The following GTF2E2 variants were observed in gnomAD, a reference collection of about 807,000 sequenced individuals.
GTF2E2 encodes general transcription factor IIE subunit 2.
In GTF2E2, 21 loss-of-function variants were observed where a neutral mutation model predicts 40.5. The ratio of observed to expected loss-of-function variants is 0.52; its 90% CI spans 0.37 to 0.75. The LOEUF is 0.75. Among genes scored for constraint, GTF2E2 ranks in the 30% least tolerant of loss-of-function variants. The pLI is 0.00. For synonymous variants in GTF2E2, 117 were observed against 121.6 expected (o/e 0.96, Z 0.25); for missense variants, 298 against 338.4 (o/e 0.88, Z 0.94).
At chr8:30,657,209 G>C (rs956645342) in intron 1 of GTF2E2, among the ~76,000 whole-genome samples, 2 of 152,042 alleles carry the variant, frequency 1.3e-5, no homozygotes, top group African/African-American at 4.8e-5. Context: ...TTAGATCTCT[G>C]GACCCCCCTA....
intron 4 of GTF2E2, among the ~76,000 whole-genome samples, chr8:30,614,151 A>T (rs1490325581): frequency 6.6e-6 from 1 of 152,246 alleles, no homozygotes; most frequent in Non-Finnish European, 1.5e-5. Context: ...CTTACCTTTA[A>T]CATTTTGAAA....
chr8:30,644,795 G>A (rs939614487), intron 2 of GTF2E2, among the ~76,000 whole-genome samples: 10 of 150,838 alleles, frequency 6.6e-5, no homozygotes, highest in Admixed American at 6.0e-4. Context: ...CCATTGTCCA[G>A]GCTAGAATGC....
intron 2 of GTF2E2, 54 bp from the exon 3 acceptor site, chr8:30,635,177 G>A (rs896729313): frequency 3.1e-6 from 3 of 963,194 alleles, no homozygotes; most frequent in African/African-American, 3.3e-5. Context: ...TATGACTCTT[G>A]AGCAGCTAAA....
intron 3 of GTF2E2, among the ~76,000 whole-genome samples, chr8:30,615,136 G>T (rs7015571): frequency 6.6e-6 from 1 of 151,664 alleles, no homozygotes; most frequent in Non-Finnish European, 1.5e-5. Context: ...AAAATCAGCC[G>T]TGCATGGTGG....
At chr8:30,606,986 ATAAATAT>A in intron 6 of GTF2E2, 64 bp downstream of exon 6, 3 of 581,758 alleles carry the variant, frequency 5.2e-6, no homozygotes, top group Non-Finnish European at 9.1e-6. Flanking sequence ...TAATTGTATT[ATAAATAT>A]TAATTTTACC....
At chr8:30,634,402 C>T (rs1801522451) in intron 3 of GTF2E2, among the ~76,000 whole-genome samples, 2 of 151,732 alleles carry the variant, frequency 1.3e-5, no homozygotes, top group African/African-American at 2.4e-5. Flanking sequence ...GAGCTACGAT[C>T]GTGCCACTGC....
chr8:30,613,409 C>G (rs1800799308), intron 4 of GTF2E2, among the ~76,000 whole-genome samples: 1 of 152,124 alleles, frequency 6.6e-6, no homozygotes, highest in Non-Finnish European at 1.5e-5. Flanking sequence ...TTCTGTTGTA[C>G]AGTTAGTATC....
chr8:30,640,936 C>T (rs1413555539), intron 2 of GTF2E2, among the ~76,000 whole-genome samples: 1 of 152,164 alleles, frequency 6.6e-6, no homozygotes, highest in African/African-American at 2.4e-5. Flanking sequence ...AACTTATGAC[C>T]TCAGGTGATC....
chr8:30,615,575 T>C (rs77273053), intron 3 of GTF2E2, among the ~76,000 whole-genome samples: 5,208 of 152,214 alleles, frequency 0.034, 315 homozygotes, highest in African/African-American at 0.12. Context: ...GTTCTCTATG[T>C]GCTAATTTGA....
chr8:30,592,158 A>G (rs1026494011), intron 6 of GTF2E2, among the ~76,000 whole-genome samples: 2 of 152,142 alleles, frequency 1.3e-5, no homozygotes, highest in African/African-American at 4.8e-5. Context: ...TAGGCAGATC[A>G]CTTGAGCCTA....
intron 3 of GTF2E2, among the ~76,000 whole-genome samples, chr8:30,632,864 A>AGATTCT (rs1801482247): frequency 6.6e-6 from 1 of 152,176 alleles, no homozygotes; most frequent in South Asian, 2.1e-4. Flanking sequence ...ATAACTTGGA[A>AGATTCT]GATTCTGATA....
intron 2 of GTF2E2, among the ~76,000 whole-genome samples, chr8:30,650,455 T>A (rs1178060042): frequency 1.4e-5 from 2 of 143,968 alleles, no homozygotes; most frequent in African/African-American, 5.2e-5. Context: ...TTTGGGAGGC[T>A]AAGGGGGATG....
chr8:30,583,266 G>A (rs534161427), intron 6 of GTF2E2, among the ~76,000 whole-genome samples: 9 of 152,300 alleles, frequency 5.9e-5, no homozygotes, highest in East Asian at 1.9e-4. Context: ...CCTGGGAGGC[G>A]GAGGGTGCAG....
At chr8:30,645,594 C>T in intron 2 of GTF2E2, 4 of 1,534,964 alleles carry the variant, frequency 2.6e-6, no homozygotes, top group Non-Finnish European at 1.7e-6. Flanking sequence ...CTGAAGTGGT[C>T]TAACACTCTA....
At chr8:30,587,235 A>G (rs1828708649) in intron 6 of GTF2E2, among the ~76,000 whole-genome samples, 1 of 151,824 alleles carries the variant, frequency 6.6e-6, no homozygotes, top group African/African-American at 2.4e-5. Flanking sequence ...ATATAGTGAG[A>G]CCTCGTCTCT....
chr8:30,634,910 A>C, intron 3 of GTF2E2, 122 bp downstream of exon 3: 1 of 608,068 alleles, frequency 1.6e-6, no homozygotes, highest in Non-Finnish European at 2.9e-6. Context: ...AACTGCACAT[A>C]CTGAAAATGC....
intron 4 of GTF2E2, 130 bp from the exon 5 acceptor site, chr8:30,612,611 C>T: frequency 2.2e-6 from 1 of 450,344 alleles, no homozygotes. Context: ...ACTGCAACCT[C>T]CGCCTCCTGG....
chr8:30,626,738 AAG>A (rs1801288449), intron 3 of GTF2E2, among the ~76,000 whole-genome samples: 1 of 152,188 alleles, frequency 6.6e-6, no homozygotes, highest in Admixed American at 6.5e-5. Flanking sequence ...CCAGTGCAGC[AAG>A]AGAGAGAGAA....
At chr8:30,626,024 C>T (rs1460175330) in intron 3 of GTF2E2, among the ~76,000 whole-genome samples, 1 of 152,292 alleles carries the variant, frequency 6.6e-6, no homozygotes, top group East Asian at 1.9e-4. Context: ...ATTACATCCT[C>T]CAACCTTCCT....
Sources: allele counts gnomAD v4.1 joint callset (sites outside exome capture counted in the v4.1 genomes callset), GRCh38; gene constraint gnomAD v4.1.1; transcripts MANE v1.5; gene names NCBI Gene and HGNC (gene_info 2026-07-23, HGNC 2026-07-21).